TMED2: variants seen among roughly 807,000 people sequenced by gnomAD.
The protein encoded by TMED2 is transmembrane p24 trafficking protein 2.
TMED2 carries 3 observed loss-of-function variants against 17.5 expected under a neutral mutation model. The ratio of observed to expected loss-of-function variants is 0.17; its 90% CI spans 0.08 to 0.44. The LOEUF (loss-of-function observed/expected upper bound fraction) is 0.44. TMED2 is among the 20% of genes least tolerant of loss of function. The pLI, the probability that TMED2 is intolerant of heterozygous loss-of-function variation, is 0.99. For missense variants in TMED2, 149 were observed against 254.8 expected (o/e 0.58, Z 2.83); for synonymous variants, 95 against 91.0 (o/e 1.04, Z -0.25).
chr12:123,584,801 G>A lies in TMED2; in HGVS notation c.165G>A (p.Leu55=), dbSNP rs769723466. 4 of 1,610,682 alleles carry A rather than the reference G, an allele frequency of 2.5e-6. No homozygotes were observed. In the African/African-American group the frequency reaches 5.3e-5, roughly 21 times the overall value. The change falls in exon 1 of 4, where the codon CTG becomes CTA. Residue 55 remains leucine, a synonymous_variant. Coordinates refer to ENST00000262225, the MANE Select transcript of TMED2 (RefSeq NM_006815.4). The part of the protein sequence containing the change: ...LIFEVAEGGF[L]DIDVEITGPD... ...TCGAGGTGGCGGAGGGCGGCTTCCTGGACATCGACGTGGAGGTGCGGGCTA... is the reference window on the plus strand; with the variant it reads ...TCGAGGTGGCGGAGGGCGGCTTCCTAGACATCGACGTGGAGGTGCGGGCTA...
At position 123,596,762 on chromosome 12, in the gene TMED2, T is replaced by G. The variant is rs762890176; in HGVS notation, c.*33T>G. On this transcript the variant is annotated 3_prime_UTR_variant, in exon 4 of 4. Coordinates refer to ENST00000262225, the MANE Select transcript of TMED2 (RefSeq NM_006815.4). ...CTTCCTGATGATCCCAACTCAGAAT[T>G]CACTGTTTACCAAACACCTTGGTCA... 1 of 1,573,622 alleles carries G rather than the reference T, an allele frequency of 6.4e-7. No individual in the cohort carries two copies. The highest frequency in any genetic ancestry group is 2.3e-5 in the East Asian group (1 of 43,474).
rs148096252 is a variant in TMED2, at chr12:123,596,614, A to G, written c.491A>G (p.Asn164Ser). Residue 164 changes from asparagine to serine, a missense_variant, in exon 4 of 4, where the codon AAC becomes AGC. Coordinates refer to ENST00000262225, the MANE Select transcript of TMED2 (RefSeq NM_006815.4). ...GTTTTGTCCTCAACAGTCAACGACAACACAAACAGCAGAGTGGTCCTTTGG... is the reference window on the plus strand; with the variant it reads ...GTTTTGTCCTCAACAGTCAACGACAGCACAAACAGCAGAGTGGTCCTTTGG... ...RERIHRAIND[N>S]TNSRVVLWSF... is the part of the protein sequence containing the mutation. 1.6e-5 allele frequency: 25 copies of G among 1,604,896 alleles called. No homozygotes were observed. The African/African-American group carries it at 2.6e-4, about 16-fold the overall frequency.
At chr12:123,594,324 C>T (rs148038984) in intron 3 of TMED2, among the ~76,000 whole-genome samples, 2,997 of 151,602 alleles carry the variant, frequency 0.02, 79 homozygotes, top group African/African-American at 0.065. Context: ...TTAGTAGAGA[C>T]GGGGTTTCAC....
chr12:123,588,829 A>G (rs1183351934), intron 2 of TMED2, among the ~76,000 whole-genome samples: 1 of 152,214 alleles, frequency 6.6e-6, no homozygotes, highest in Non-Finnish European at 1.5e-5. Context: ...AATGGAGACA[A>G]TGCCACTGCT....
intron 3 of TMED2, among the ~76,000 whole-genome samples, chr12:123,591,388 T>C (rs1953391324): frequency 6.6e-6 from 1 of 152,300 alleles, no homozygotes; most frequent in South Asian, 2.1e-4. Context: ...CATTTAAAAT[T>C]AAGAGGTACT....
chr12:123,586,538 C>T (rs977983062), intron 1 of TMED2: 18 of 310,536 alleles, frequency 5.8e-5, no homozygotes, highest in Non-Finnish European at 8.9e-5. Flanking sequence ...TTAGTAGAGA[C>T]GGAGTTTTAC....
At chr12:123,590,721 C>T (rs141542281) in intron 3 of TMED2, among the ~76,000 whole-genome samples, 1 of 152,070 alleles carries the variant, frequency 6.6e-6, no homozygotes, top group Non-Finnish European at 1.5e-5. Context: ...TGGTGGCTCA[C>T]GCCTGTAATC....
chr12:123,586,111 A>G (rs1477203683), intron 1 of TMED2: 1 of 152,174 alleles, frequency 6.6e-6, no homozygotes. Context: ...TTTTGCTATC[A>G]GTCACAGTTC....
At chr12:123,593,472 T>G (rs1353907729) in intron 3 of TMED2, among the ~76,000 whole-genome samples, 2 of 152,220 alleles carry the variant, frequency 1.3e-5, no homozygotes, top group Non-Finnish European at 2.9e-5. Context: ...AATTCCTTAA[T>G]TTTTTGTAGA....
rs1248419376 is a variant in TMED2, at chr12:123,591,867, G to A, written c.481+1418G>A. ...GAGGCTGAGGCGGGGGATTGCTTGG[G>A]AGCAAGCTCTTGTCTTAAGGGCAGT... On this transcript the variant is annotated intron_variant, in intron 3 of 3. Transcript: ENST00000262225. 2.6e-5 allele frequency among the ~76,000 whole-genome samples: 4 copies of A among 152,176 alleles called. No individual in the cohort carries two copies. The South Asian group carries it at 6.2e-4, about 24-fold the overall frequency.
At chr12:123,589,008 C>T (rs1036077631) in intron 2 of TMED2, among the ~76,000 whole-genome samples, 1 of 152,034 alleles carries the variant, frequency 6.6e-6, no homozygotes, top group African/African-American at 2.4e-5. Context: ...CAGAAGAGAC[C>T]CAGTCTTGGG....
rs1161783495 is a variant in TMED2, at chr12:123,597,505, G to A, written c.*776G>A. ...CATTCACTTCTCCCACTCTTGGCATGTAAGAAATAAGCATTTACATAATTG... is the reference window on the plus strand; with the variant it reads ...CATTCACTTCTCCCACTCTTGGCATATAAGAAATAAGCATTTACATAATTG... On this transcript the variant is annotated 3_prime_UTR_variant, in exon 4 of 4. Coordinates refer to ENST00000262225, the MANE Select transcript of TMED2 (RefSeq NM_006815.4). 6.6e-6 allele frequency: 1 copy of A among 152,550 alleles called. No homozygotes were observed. The highest frequency in any genetic ancestry group is 1.5e-5 in the Non-Finnish European group (1 of 68,024). The allele number at this position is 152,550 out of a possible 1,614,324, so 9.4% of individuals were successfully genotyped here. A position where few individuals can be genotyped will look rare whatever the true frequency, so the allele number is the denominator to read the frequency against.
intron 2 of TMED2, chr12:123,587,552 A>G: frequency 1.6e-6 from 2 of 1,228,490 alleles, no homozygotes; most frequent in Non-Finnish European, 2.1e-6. Flanking sequence ...ATACATGACT[A>G]GTTTAGCTAA....
chr12:123,584,890 CG>C (rs980855394), intron 1 of TMED2, 74 bp downstream of exon 1: 10 of 1,565,690 alleles, frequency 6.4e-6, no homozygotes, highest in Middle Eastern at 2.1e-4. Context: ...GGGACCGGCG[CG>C]GGGCCTGTGT....
chr12:123,585,560 A>C (rs1478860899), intron 1 of TMED2: 1 of 152,218 alleles, frequency 6.6e-6, no homozygotes, highest in East Asian at 1.9e-4. Flanking sequence ...ACCTGCTAGC[A>C]TGATTAATTG....
At chr12:123,590,284 CAAAA>C (rs377692258) in intron 2 of TMED2, 54 bp from the exon 3 acceptor site, 1,713 of 1,023,950 alleles carry the variant, frequency 1.7e-3, no homozygotes, top group East Asian at 3.6e-3. Flanking sequence ...GACTCTGTCT[CAAAA>C]AAAAAAAAAA....
intron 3 of TMED2, among the ~76,000 whole-genome samples, chr12:123,593,728 C>T (rs966880071): frequency 1.3e-5 from 2 of 152,276 alleles, no homozygotes; most frequent in South Asian, 2.1e-4. Context: ...TCTATCTCTT[C>T]ACCTTGTGAT....
intron 3 of TMED2, among the ~76,000 whole-genome samples, chr12:123,595,265 C>T (rs1467131956): frequency 2.0e-5 from 3 of 152,090 alleles, no homozygotes; most frequent in African/African-American, 4.8e-5. Flanking sequence ...TGATCAGAAA[C>T]TTGAATGTAA....
intron 3 of TMED2, among the ~76,000 whole-genome samples, chr12:123,594,210 C>A (rs1411688076): frequency 6.6e-6 from 1 of 151,288 alleles, no homozygotes. Context: ...ACTCGGCTCA[C>A]TGCAAGCTCC....
Sources: gnomAD v4.1 joint callset for allele counts (sites outside exome capture counted in the v4.1 genomes callset) on GRCh38, gnomAD v4.1.1 for gene constraint, MANE v1.5 for transcripts, NCBI Gene and HGNC (gene_info 2026-07-23, HGNC 2026-07-21) for gene names.